ANGPT1: variants seen among roughly 807,000 people sequenced by gnomAD.
ANGPT1 encodes angiopoietin-1.
Under a neutral mutation model 62.2 loss-of-function variants are expected in ANGPT1, and 17 were observed. The observed-to-expected ratio is 0.27, with a 90% CI of 0.19 to 0.41. The LOEUF is 0.41. ANGPT1 is among the 10% of genes least tolerant of loss of function. ANGPT1 has a pLI of 1.00. For missense variants in ANGPT1, 478 were observed against 594.9 expected (o/e 0.80, Z 2.04); for synonymous variants, 199 against 198.9 (o/e 1.00, Z 0.00).
chr8:107,447,805 C>T (rs571246650), intron 1 of ANGPT1, among the ~76,000 whole-genome samples: 14 of 152,320 alleles, frequency 9.2e-5, no homozygotes, highest in African/African-American at 3.1e-4. Context: ...GGATTCCTGA[C>T]ACATACACAG....
At chr8:107,451,723 G>A (rs1419879678) in intron 1 of ANGPT1, among the ~76,000 whole-genome samples, 3 of 151,862 alleles carry the variant, frequency 2.0e-5, no homozygotes, top group African/African-American at 7.2e-5. Flanking sequence ...CATTGTGGAG[G>A]TCATCTTACA....
intron 1 of ANGPT1, among the ~76,000 whole-genome samples, chr8:107,436,037 G>A (rs1461517494): frequency 6.6e-6 from 1 of 152,036 alleles, no homozygotes; most frequent in Non-Finnish European, 1.5e-5. Context: ...CGAGAAGCTG[G>A]GACCACAGGA....
chr8:107,401,600 T>G (rs1450009552), intron 1 of ANGPT1, among the ~76,000 whole-genome samples: 1 of 152,242 alleles, frequency 6.6e-6, no homozygotes, highest in Non-Finnish European at 1.5e-5. Context: ...GGTTGATTGA[T>G]AGGCATTAGC....
intron 1 of ANGPT1, among the ~76,000 whole-genome samples, chr8:107,446,652 A>G (rs1811630413): frequency 6.6e-6 from 1 of 152,164 alleles, no homozygotes; most frequent in Admixed American, 6.5e-5. Flanking sequence ...AGCAGGGAGG[A>G]ATAGAATCAG....
chr8:107,425,620 C>A (rs774118076), intron 1 of ANGPT1, among the ~76,000 whole-genome samples: 2 of 152,138 alleles, frequency 1.3e-5, no homozygotes, highest in African/African-American at 2.4e-5. Flanking sequence ...GAAACTAAAT[C>A]CCTTGACACA....
chr8:107,331,395 T>C (rs1281865159), intron 3 of ANGPT1, among the ~76,000 whole-genome samples: 6 of 152,230 alleles, frequency 3.9e-5, no homozygotes, highest in Non-Finnish European at 5.9e-5. Context: ...ATGACCTATA[T>C]AGTGACAGGC....
chr8:107,432,555 T>C (rs1224165810), intron 1 of ANGPT1, among the ~76,000 whole-genome samples: 1 of 151,496 alleles, frequency 6.6e-6, no homozygotes, highest in Admixed American at 6.6e-5. Flanking sequence ...TCCCAGCTAC[T>C]CGGGAGGCTG....
At chr8:107,479,611 A>G (rs1812622739) in intron 1 of ANGPT1, among the ~76,000 whole-genome samples, 1 of 152,208 alleles carries the variant, frequency 6.6e-6, no homozygotes, top group South Asian at 2.1e-4. Flanking sequence ...AACAGCTTTC[A>G]GAAACATCTG....
chr8:107,422,628 TA>T (rs1443298641), intron 1 of ANGPT1, among the ~76,000 whole-genome samples: 1 of 152,138 alleles, frequency 6.6e-6, no homozygotes, highest in Non-Finnish European at 1.5e-5. Context: ...CCCACATTTG[TA>T]AATTTGCTTT....
intron 1 of ANGPT1, among the ~76,000 whole-genome samples, chr8:107,405,957 A>T (rs1318926189): frequency 2.0e-5 from 3 of 151,952 alleles, no homozygotes; most frequent in Non-Finnish European, 4.4e-5. Flanking sequence ...TTCAACTCAT[A>T]TTTTAAACTG....
At chr8:107,300,041 CTA>C (rs1554580302) in intron 5 of ANGPT1, among the ~76,000 whole-genome samples, 17 of 138,700 alleles carry the variant, frequency 1.2e-4, no homozygotes, top group East Asian at 6.5e-4. Flanking sequence ...CTAGATATAA[CTA>C]TATATATAGT....
intron 2 of ANGPT1, among the ~76,000 whole-genome samples, chr8:107,346,201 A>G (rs1168825451): frequency 1.3e-5 from 2 of 152,200 alleles, no homozygotes; most frequent in East Asian, 3.8e-4. Context: ...TTGAACATAT[A>G]TATTTCAGCT....
intron 8 of ANGPT1, among the ~76,000 whole-genome samples, chr8:107,253,834 C>T (rs1298714524): frequency 6.6e-6 from 1 of 152,134 alleles, no homozygotes; most frequent in African/African-American, 2.4e-5. Flanking sequence ...CAGTAAGAGC[C>T]TGTGAGAGAG....
At chr8:107,443,779 A>G (rs1811539019) in intron 1 of ANGPT1, among the ~76,000 whole-genome samples, 1 of 151,080 alleles carries the variant, frequency 6.6e-6, no homozygotes, top group African/African-American at 2.4e-5. Context: ...AGATCATGCC[A>G]TTGCACTCCA....
chr8:107,329,800 A>G (rs1300440925), intron 3 of ANGPT1, among the ~76,000 whole-genome samples: 1 of 152,062 alleles, frequency 6.6e-6, no homozygotes, highest in Non-Finnish European at 1.5e-5. Context: ...GCTTATGTGT[A>G]GAAAATTGTG....
intron 1 of ANGPT1, among the ~76,000 whole-genome samples, chr8:107,379,204 G>A (rs1367648270): frequency 6.6e-6 from 1 of 152,044 alleles, no homozygotes; most frequent in Non-Finnish European, 1.5e-5. Flanking sequence ...AGTTGGTTTT[G>A]TTACTGTCTT....
At chr8:107,474,803 G>A (rs1007261468) in intron 1 of ANGPT1, among the ~76,000 whole-genome samples, 1 of 152,118 alleles carries the variant, frequency 6.6e-6, no homozygotes, top group Non-Finnish European at 1.5e-5. Flanking sequence ...GACAAACAGA[G>A]AGCCAAATCA....
At position 107,415,113 on chromosome 8, in the gene ANGPT1, C is replaced by T. The variant is rs74928380; in HGVS notation, c.298-68016G>A. ...TGGGTTGCATCATTCAAAACCAACACGATTTAAAGATATCTTGTAAAAAGG... is the reference window on the plus strand; with the variant it reads ...TGGGTTGCATCATTCAAAACCAACATGATTTAAAGATATCTTGTAAAAAGG... On this transcript the variant is annotated intron_variant, in intron 1 of 8. Coordinates refer to ENST00000517746, the MANE Select transcript of ANGPT1 (RefSeq NM_001146.5). 4.8e-3 allele frequency among the ~76,000 whole-genome samples: 732 copies of T among 152,188 alleles called. 8 individuals carry two copies. Among genetic ancestry groups the T allele is most frequent in the African/African-American group, 0.016 (682 of 41,506 alleles).
intron 1 of ANGPT1, among the ~76,000 whole-genome samples, chr8:107,476,081 C>G (rs1446025815): frequency 6.6e-6 from 1 of 152,194 alleles, no homozygotes; most frequent in Non-Finnish European, 1.5e-5. Context: ...TATCCCATTA[C>G]TGGGTATATA....
Sources: gnomAD v4.1 joint callset for allele counts (sites outside exome capture counted in the v4.1 genomes callset) on GRCh38, gnomAD v4.1.1 for gene constraint, MANE v1.5 for transcripts, NCBI Gene and HGNC (gene_info 2026-07-23, HGNC 2026-07-21) for gene names.